Variants in DNAH14 observed in about 807,000 individuals in gnomAD.
DNAH14 encodes the protein dynein axonemal heavy chain 14.
A neutral mutation model predicts 520.9 loss-of-function variants in DNAH14; 478 were observed. The ratio of observed to expected loss-of-function variants is 0.92; its 90% CI spans 0.85 to 0.99. DNAH14 has a LOEUF of 0.99. Among genes scored for constraint, DNAH14 ranks in the 50% least tolerant of loss-of-function variants. DNAH14 has a pLI of 0.00. For missense variants in DNAH14, 4,831 were observed against 5,234.5 expected, an observed-to-expected ratio of 0.92 and a Z score of 2.38; for synonymous variants, 1,581 against 1,757.2, an observed-to-expected ratio of 0.90 and a Z score of 2.51.
chr1:225,337,060 G>A (rs1170782079), intron 66 of DNAH14, among the ~76,000 whole-genome samples: 1 of 151,898 alleles, frequency 6.6e-6, no homozygotes, highest in Non-Finnish European at 1.5e-5. Context: ...CCTTATTGTT[G>A]AACACAAAAG....
intron 75 of DNAH14, among the ~76,000 whole-genome samples, chr1:225,362,358 T>C (rs954940429): frequency 7.2e-5 from 11 of 152,192 alleles, no homozygotes; most frequent in African/African-American, 2.4e-4. Context: ...GCAGATCACC[T>C]GAAGTCAGGC....
intron 17 of DNAH14, among the ~76,000 whole-genome samples, chr1:225,075,365 T>C (rs934222404): frequency 6.6e-5 from 10 of 152,216 alleles, no homozygotes; most frequent in African/African-American, 2.4e-4. Context: ...TTGAAGGTAC[T>C]GTATTTACTC....
chr1:224,950,401 C>G (rs984288365), intron 1 of DNAH14, among the ~76,000 whole-genome samples: 3 of 152,128 alleles, frequency 2.0e-5, no homozygotes, highest in Non-Finnish European at 2.9e-5. Flanking sequence ...GAAAACTTGA[C>G]TCTGTATAAA....
intron 37 of DNAH14, among the ~76,000 whole-genome samples, chr1:225,191,467 G>T (rs1471766140): frequency 6.6e-6 from 1 of 151,894 alleles, no homozygotes; most frequent in Non-Finnish European, 1.5e-5. Flanking sequence ...CCCTTGTATT[G>T]CCTCTCTCCT....
chr1:225,261,212 G>T (rs1435517487), intron 46 of DNAH14, among the ~76,000 whole-genome samples: 1 of 152,146 alleles, frequency 6.6e-6, no homozygotes, highest in Non-Finnish European at 1.5e-5. Flanking sequence ...TCCTTGTCTG[G>T]TTCCTGATCA....
At chr1:225,200,682 C>T (rs1324790078) in intron 38 of DNAH14, among the ~76,000 whole-genome samples, 1 of 152,094 alleles carries the variant, frequency 6.6e-6, no homozygotes, top group African/African-American at 2.4e-5. Flanking sequence ...GAAACTAGGG[C>T]CCCAATTCCT....
At chr1:225,033,452 C>T (rs1189962541) in intron 11 of DNAH14, among the ~76,000 whole-genome samples, 1 of 152,074 alleles carries the variant, frequency 6.6e-6, no homozygotes, top group Non-Finnish European at 1.5e-5. Flanking sequence ...TGTTTTTGCA[C>T]CAGTACCATT....
At chr1:225,375,727 T>C (rs1377074771) in intron 78 of DNAH14, among the ~76,000 whole-genome samples, 2 of 150,624 alleles carry the variant, frequency 1.3e-5, no homozygotes, top group Non-Finnish European at 2.9e-5. Flanking sequence ...CACTATTTGC[T>C]AAGGCAGAAA....
At position 225,324,399 on chromosome 1, in the gene DNAH14, A is replaced by G. The variant is rs1005180754; in HGVS notation, c.9627+46A>G. ...ATCTGTCATGATTTGGAAGTGGCAC[A>G]TCAATGTCCCAGAAATAATTTTTAT... On this transcript the variant is annotated intron_variant, in intron 63 of 85. Coordinates refer to ENST00000682510, the MANE Select transcript of DNAH14 (RefSeq NM_001367479.1). The G allele has an allele frequency of 3.3e-6, 5 of 1,533,380 alleles. No individual in the cohort carries two copies. In the Admixed American group the frequency reaches 8.4e-5, roughly 26 times the overall value. 95.0% of individuals were successfully genotyped at this position (1,533,380 alleles called of 1,614,324 possible). A position where few individuals can be genotyped will look rare whatever the true frequency, so the allele number is the denominator to read the frequency against.
intron 46 of DNAH14, among the ~76,000 whole-genome samples, chr1:225,261,331 G>A (rs1301721690): frequency 6.6e-6 from 1 of 152,108 alleles, no homozygotes; most frequent in African/African-American, 2.4e-5. Context: ...CTAAGTTGTT[G>A]AGAATTTTTT....
rs949203330 is a variant in DNAH14 at position 225,354,335 on chromosome 1, A to T, written c.11619+447A>T. 7 of 684,312 alleles carry T rather than the reference A, an allele frequency of 1.0e-5. No individual in the cohort carries two copies. The African/African-American group carries it at 1.2e-4, about 12-fold the overall frequency. 42.4% of individuals were successfully genotyped at this position (684,312 alleles called of 1,614,324 possible). A position where few individuals can be genotyped will look rare whatever the true frequency, so the allele number is the denominator to read the frequency against. The stretch of plus-strand genomic sequence containing the variant: ...CACATTTTTGCCTCATACCTAAACC[A>T]CATCCACCAACATGACCTTTATTAT... On this transcript the variant is annotated intron_variant, in intron 73 of 85. Transcript: ENST00000682510.
intron 69 of DNAH14, among the ~76,000 whole-genome samples, chr1:225,344,035 T>C (rs2095244957): frequency 6.6e-6 from 1 of 152,216 alleles, no homozygotes; most frequent in South Asian, 2.1e-4. Flanking sequence ...TATGCTTTTA[T>C]TGTGCCTTTG....
chr1:225,119,519 G>A (rs2077128264), intron 26 of DNAH14, among the ~76,000 whole-genome samples: 1 of 152,114 alleles, frequency 6.6e-6, no homozygotes, highest in South Asian at 2.1e-4. Flanking sequence ...CTGTCAGTTT[G>A]AGAGTGTTTA....
chr1:225,210,312 G>A (rs533997871), intron 41 of DNAH14, among the ~76,000 whole-genome samples: 22 of 152,212 alleles, frequency 1.4e-4, no homozygotes, highest in African/African-American at 4.1e-4. Flanking sequence ...TGGGACTCTC[G>A]AGCTTGGTAT....
intron 54 of DNAH14, among the ~76,000 whole-genome samples, chr1:225,288,720 C>T (rs1574538450): frequency 1.3e-5 from 2 of 152,038 alleles, no homozygotes; most frequent in Non-Finnish European, 2.9e-5. Context: ...AAAAGATGTT[C>T]GGCTTCATTA....
At chr1:224,991,625 G>A (rs559655787) in intron 8 of DNAH14, among the ~76,000 whole-genome samples, 4 of 152,100 alleles carry the variant, frequency 2.6e-5, no homozygotes, top group South Asian at 2.1e-4. Flanking sequence ...ACAGGTGTCC[G>A]TGACAACACC....
intron 4 of DNAH14, among the ~76,000 whole-genome samples, chr1:224,961,991 A>G (rs1211129843): frequency 6.6e-6 from 1 of 152,170 alleles, no homozygotes; most frequent in Non-Finnish European, 1.5e-5. Context: ...GTAAACTGAT[A>G]AAGACCTAAG....
intron 17 of DNAH14, among the ~76,000 whole-genome samples, chr1:225,054,057 A>G (rs2068802244): frequency 6.6e-6 from 1 of 152,152 alleles, no homozygotes; most frequent in African/African-American, 2.4e-5. Context: ...TCAGCTCTAA[A>G]CATCTGCCCA....
chr1:225,342,026 A>T (rs1256759539), intron 69 of DNAH14, among the ~76,000 whole-genome samples: 1 of 152,158 alleles, frequency 6.6e-6, no homozygotes, highest in African/African-American at 2.4e-5. Flanking sequence ...ACTTCCGCAC[A>T]TCGGGCCCTG....
Sources: gnomAD v4.1 joint callset for allele counts (sites outside exome capture counted in the v4.1 genomes callset) on GRCh38, gnomAD v4.1.1 for gene constraint, MANE v1.5 for transcripts, NCBI Gene and HGNC (gene_info 2026-07-23, HGNC 2026-07-21) for gene names.